The following CDKL1 variants were observed in gnomAD, a reference collection of about 807,000 sequenced individuals.
CDKL1 encodes cyclin-dependent kinase-like 1.
In CDKL1, 41 loss-of-function variants were observed where a neutral mutation model predicts 42.0. The observed-to-expected ratio is 0.98, with a 90% CI of 0.76 to 1.27. The LOEUF (loss-of-function observed/expected upper bound fraction) is 1.27, where lower values mean the gene tolerates loss of function less well. CDKL1 is among the 50% of genes most tolerant of loss of function. CDKL1 has a pLI of 0.00. For synonymous variants in CDKL1, 153 were observed against 158.6 expected (o/e 0.96, Z 0.26); for missense variants, 394 against 428.4 (o/e 0.92, Z 0.71).
At chr14:50,397,272 C>T (rs747598349), upstream of CDKL1, 4 of 1,366,444 alleles carry the variant, frequency 2.9e-6, no homozygotes, top group South Asian at 2.3e-5. Context: ...TGTGTCTGTG[C>T]TGATCAGTGC....
chr14:50,352,341 T>C (rs894492438), intron 3 of CDKL1, among the ~76,000 whole-genome samples: 8 of 152,070 alleles, frequency 5.3e-5, no homozygotes, highest in Admixed American at 3.9e-4. Flanking sequence ...AAAAAATATA[T>C]ATATATAAAT....
intron 2 of CDKL1, among the ~76,000 whole-genome samples, chr14:50,372,605 A>G (rs935998905): frequency 6.6e-6 from 1 of 152,150 alleles, no homozygotes; most frequent in Non-Finnish European, 1.5e-5. Flanking sequence ...AGTCAAATTT[A>G]AAAAAATCAC....
chr14:50,376,320 C>T (rs1382108347), intron 2 of CDKL1: 3 of 458,040 alleles, frequency 6.5e-6, no homozygotes, highest in Non-Finnish European at 9.0e-6. Context: ...AAAACACACA[C>T]AGACACGTCC....
chr14:50,386,854 C>A (rs1456446343), intron 2 of CDKL1, among the ~76,000 whole-genome samples: 1 of 151,084 alleles, frequency 6.6e-6, no homozygotes, highest in African/African-American at 2.4e-5. Context: ...ACCAGCCTGG[C>A]CATCTCTACT....
chr14:50,357,091 G>T (rs1342870397), intron 3 of CDKL1: 2 of 152,162 alleles, frequency 1.3e-5, no homozygotes, highest in Admixed American at 6.5e-5. Flanking sequence ...AAGTTTAATT[G>T]AAGTGTCACT....
chr14:50,391,837 C>T (rs757893557), intron 2 of CDKL1, among the ~76,000 whole-genome samples: 31 of 152,292 alleles, frequency 2.0e-4, no homozygotes, highest in Non-Finnish European at 4.0e-4. Flanking sequence ...GTACTTCTCA[C>T]TCGTATAATA....
intron 2 of CDKL1, among the ~76,000 whole-genome samples, chr14:50,361,623 T>A (rs560535826): frequency 6.6e-6 from 1 of 152,194 alleles, no homozygotes; most frequent in Admixed American, 6.5e-5. Context: ...AACCTTGAGC[T>A]CTTTATACGG....
In CDKL1 at chr14:50,341,062, C is replaced by T; in HGVS notation, c.625G>A (p.Asp209Asn). ...GTCTTCCTAATCAGATACAGCTGATCCACATCCGATTTTCCTGGCCACAGA... is the reference window on the plus strand; with the variant it reads ...GTCTTCCTAATCAGATACAGCTGATTCACATCCGATTTTCCTGGCCACAGA... ...VPLWPGKSDV[D>N]QLYLIRKTLG... The change falls in exon 6 of 10, where the codon GAT (aspartate) becomes AAT (asparagine). Residue 209 changes from aspartate (D) to asparagine (N), a missense_variant. Transcript: ENST00000395834. The T allele has an allele frequency of 6.2e-7, 1 of 1,613,906 alleles. No homozygotes were observed. Among genetic ancestry groups the T allele is most frequent in the South Asian group, 1.1e-5 (1 of 91,086 alleles).
At chr14:50,341,458 G>C (rs891665887) in intron 5 of CDKL1, among the ~76,000 whole-genome samples, 4 of 24,242 alleles carry the variant, frequency 1.7e-4, no homozygotes, top group Admixed American at 3.4e-4. Flanking sequence ...GGAGGGTCTG[G>C]GGGGGGGGGG....
chr14:50,355,753 G>A (rs2034036320), intron 3 of CDKL1, among the ~76,000 whole-genome samples: 2 of 152,202 alleles, frequency 1.3e-5, no homozygotes, highest in Non-Finnish European at 2.9e-5. Context: ...GCATCATAAA[G>A]GAGTCATATG....
intron 6 of CDKL1, 122 bp downstream of exon 6, chr14:50,340,910 T>G: frequency 9.9e-7 from 1 of 1,014,234 alleles, no homozygotes; most frequent in Non-Finnish European, 1.4e-6. Context: ...AGGCTTCGAG[T>G]TTTCCTCTTT....
At chr14:50,364,827 T>G (rs1250528390) in intron 2 of CDKL1, among the ~76,000 whole-genome samples, 1 of 152,246 alleles carries the variant, frequency 6.6e-6, no homozygotes, top group Non-Finnish European at 1.5e-5. Flanking sequence ...TTCATTTTAT[T>G]CAACAATTAT....
chr14:50,381,220 T>C (rs2034897918), intron 2 of CDKL1, among the ~76,000 whole-genome samples: 1 of 152,206 alleles, frequency 6.6e-6, no homozygotes, highest in Non-Finnish European at 1.5e-5. Flanking sequence ...GTTGTGTACA[T>C]GTGTCCAGTT....
chr14:50,341,168 C>G lies in CDKL1; in HGVS notation c.519G>C (p.Leu173=). 6.2e-7 allele frequency: 1 copy of G among 1,614,192 alleles called. No individual in the cohort carries two copies. Among genetic ancestry groups the G allele is most frequent in the Non-Finnish European group, 8.5e-7 (1 of 1,180,036 alleles). The part of the protein sequence containing the change: ...ATRWYRSPEL[L]VGDTQYGPPV... The stretch of plus-strand genomic sequence containing the variant: ...GGGGGCCGTACTGCGTGTCCCCCAC[C>G]AGCAGCTCAGGGGAGCGGTACCACC... Residue 173 remains leucine (L), a synonymous_variant, in exon 6 of 10, where the codon CTG becomes CTC. Coordinates refer to ENST00000395834, the MANE Select transcript of CDKL1 (RefSeq NM_004196.7).
chr14:50,355,619 C>T lies in CDKL1; in HGVS notation c.290+3409G>A, dbSNP rs555863068. 3.3e-4 allele frequency among the ~76,000 whole-genome samples: 51 copies of T among 152,276 alleles called. No homozygotes were observed. The South Asian group carries it at 1.0e-2, about 30-fold the overall frequency. On this transcript the variant is annotated intron_variant, in intron 3 of 9. Coordinates refer to ENST00000395834, the MANE Select transcript of CDKL1 (RefSeq NM_004196.7). ...AAGTGCCAAATATGCAGCTAGAAGA[C>T]ACTGAGAATCCACAGGTGAGGAAGG... is the stretch of plus-strand genomic sequence containing the variant.
intron 2 of CDKL1, among the ~76,000 whole-genome samples, chr14:50,394,761 G>A (rs1433656903): frequency 2.6e-5 from 4 of 151,530 alleles, no homozygotes; most frequent in Non-Finnish European, 5.9e-5. Context: ...CTCCATTAGC[G>A]AAAAACACAC....
In CDKL1 at chr14:50,341,238, C is replaced by T; in HGVS notation, c.455-6G>A. ...ATAGTAGTCACTCGGTCCAGCTAGCCAGTGATGGAACATGGAAAACAAACA... is the reference window on the plus strand; with the variant it reads ...ATAGTAGTCACTCGGTCCAGCTAGCTAGTGATGGAACATGGAAAACAAACA... On this transcript the variant is annotated splice_region_variant and splice_polypyrimidine_tract_variant and intron_variant, in intron 5 of 9. Coordinates refer to ENST00000395834, the MANE Select transcript of CDKL1 (RefSeq NM_004196.7). 1 of 1,585,412 alleles carries T rather than the reference C, an allele frequency of 6.3e-7. No homozygotes were observed. Among genetic ancestry groups the T allele is most frequent in the Non-Finnish European group, 8.6e-7 (1 of 1,161,350 alleles).
chr14:50,370,069 A>T (rs1021486685), intron 2 of CDKL1, among the ~76,000 whole-genome samples: 152 of 143,880 alleles, frequency 1.1e-3, no homozygotes, highest in African/African-American at 3.7e-3. Flanking sequence ...TCTTTTAGCA[A>T]TTTTTTTTTT....
chr14:50,383,418 C>T (rs993591793), intron 2 of CDKL1, among the ~76,000 whole-genome samples: 1 of 151,736 alleles, frequency 6.6e-6, no homozygotes, highest in African/African-American at 2.4e-5. Flanking sequence ...GACATGGTGA[C>T]GTGTGCCTGT....
Sources: allele counts gnomAD v4.1 joint callset (sites outside exome capture counted in the v4.1 genomes callset), GRCh38; gene constraint gnomAD v4.1.1; transcripts MANE v1.5; gene names NCBI Gene and HGNC (gene_info 2026-07-23, HGNC 2026-07-21).